IMPG2: variants seen among roughly 807,000 people sequenced by gnomAD.
IMPG2 encodes IPM 200.
In IMPG2, 91 loss-of-function variants were observed where a neutral mutation model predicts 129.2. That is an observed-to-expected ratio of 0.70 (90% confidence interval 0.59 to 0.84). IMPG2 has a LOEUF of 0.84. IMPG2 is among the 40% of genes least tolerant of loss of function. The pLI is 0.00. For synonymous variants in IMPG2, 510 were observed against 517.7 expected (o/e 0.99, Z 0.20); for missense variants, 1,430 against 1,461.7 (o/e 0.98, Z 0.35).
At position 101,263,659 on chromosome 3, in the gene IMPG2, C is replaced by G. The variant is rs376883267; in HGVS notation, c.908+3852G>C. ...TCTCAAAGAACTAGAAAAGCAAAAA[C>G]AAACCAAACCAAAAAATTAGCAGCA... On this transcript the variant is annotated intron_variant, in intron 9 of 18. Transcript: ENST00000193391. 5.7e-4 allele frequency among the ~76,000 whole-genome samples: 87 copies of G among 151,588 alleles called. No homozygotes were observed. The East Asian group carries it at 0.01, about 18-fold the overall frequency.
intron 6 of IMPG2, among the ~76,000 whole-genome samples, 159 bp downstream of exon 6, chr3:101,275,504 T>A (rs532093533): frequency 1.3e-5 from 2 of 152,312 alleles, no homozygotes; most frequent in African/African-American, 4.8e-5. Flanking sequence ...CTCCAAGGAA[T>A]CTCAAAATTG....
At position 101,225,324 on chromosome 3, in the gene IMPG2, A is replaced by G. The variant is rs936103913; in HGVS notation, c.*1645T>C. On this transcript the variant is annotated 3_prime_UTR_variant, in exon 19 of 19. Transcript: ENST00000193391. ...GAACTGTTAGAGGATCCATTATGTG[A>G]GTAGGGAATGAAAGGAAATGCTAGG... 2.0e-5 allele frequency: 3 copies of G among 152,264 alleles called. No homozygotes were observed. Among genetic ancestry groups the G allele is most frequent in the African/African-American group, 7.2e-5 (3 of 41,472 alleles). 9.4% of individuals were successfully genotyped at this position (152,264 alleles called of 1,614,324 possible). A position where few individuals can be genotyped will look rare whatever the true frequency, so the allele number is the denominator to read the frequency against.
rs2058800667 is a variant in IMPG2 at position 101,319,502 on chromosome 3, T to C, written c.334+82A>G. ...AGTCCTGTCTAAATTATCGTAAATTTTGATTTACAATGTTACCTAACAAAT... is the reference window on the plus strand; with the variant it reads ...AGTCCTGTCTAAATTATCGTAAATTCTGATTTACAATGTTACCTAACAAAT... On this transcript the variant is annotated intron_variant, in intron 2 of 18. Coordinates refer to ENST00000193391, the MANE Select transcript of IMPG2 (RefSeq NM_016247.4). 7 of 1,536,460 alleles carry C rather than the reference T, an allele frequency of 4.6e-6. No homozygotes were observed. In the Admixed American group the frequency reaches 6.7e-5, roughly 15 times the overall value.
chr3:101,306,597 A>C (rs1707191482), intron 2 of IMPG2, among the ~76,000 whole-genome samples: 2 of 152,218 alleles, frequency 1.3e-5, no homozygotes, highest in Non-Finnish European at 2.9e-5. Context: ...TGGGTCAGTA[A>C]AAACTAACAA....
chr3:101,227,085 T>G, intron 18 of IMPG2, 104 bp from the exon 19 acceptor site: 3 of 1,228,050 alleles, frequency 2.4e-6, no homozygotes, highest in Non-Finnish European at 3.6e-6. Flanking sequence ...AAATCATGAA[T>G]ACTTTCTATT....
rs1035267792 is a variant in IMPG2 at position 101,228,892 on chromosome 3, A to G, written c.3634-16T>C. 5 of 1,582,542 alleles carry G rather than the reference A, an allele frequency of 3.2e-6. No homozygotes were observed. Among genetic ancestry groups the G allele is most frequent in the Non-Finnish European group, 4.3e-6 (5 of 1,151,446 alleles). ...CTTGAATTTCCTTAAACAAAAAAGA[A>G]ACAATAGGCCACACATTGCATTAGA... is the stretch of plus-strand genomic sequence containing the variant. On this transcript the variant is annotated splice_polypyrimidine_tract_variant and intron_variant, in intron 17 of 18. Coordinates refer to ENST00000193391, the MANE Select transcript of IMPG2 (RefSeq NM_016247.4).
Position 101,244,323 on chromosome 3 carries a change from C to A in IMPG2, c.2008G>T (p.Asp670Tyr), listed in dbSNP as rs1251274963. 1.2e-6 allele frequency: 2 copies of A among 1,613,918 alleles called. No individual in the cohort carries two copies. Among genetic ancestry groups the A allele is most frequent in the South Asian group, 2.2e-5 (2 of 91,054 alleles). The change falls in exon 13 of 19, where the codon GAT becomes TAT. Residue 670 changes from aspartate (D) to tyrosine (Y), a missense_variant. Asp to Tyr is a radical substitution (Grantham distance 160). Transcript: ENST00000193391. ...TCTGGAAAGTGTGTGGATCTGTCAT[C>A]ATGTTCATATTTTGAGTGCTTACTA... ...QISKHSKYEH[D>Y]DRSTHFPEEE...
intron 7 of IMPG2, among the ~76,000 whole-genome samples, chr3:101,272,612 T>C (rs1014311312): frequency 6.6e-6 from 1 of 152,242 alleles, no homozygotes; most frequent in African/African-American, 2.4e-5. Context: ...CACTCTTTGA[T>C]GCCAGGTGGC....
intron 2 of IMPG2, among the ~76,000 whole-genome samples, chr3:101,319,176 T>G (rs2058798501): frequency 6.6e-6 from 1 of 152,170 alleles, no homozygotes. Context: ...CTGGTATTTT[T>G]GAAGTGCTTA....
chr3:101,307,719 A>G (rs1481883055), intron 2 of IMPG2, among the ~76,000 whole-genome samples: 2 of 152,158 alleles, frequency 1.3e-5, no homozygotes, highest in African/African-American at 4.8e-5. Flanking sequence ...GGATACAGGC[A>G]AACTGTATCA....
In IMPG2 at chr3:101,261,579, T is replaced by G. The variant is rs1576755304; in HGVS notation, c.909-3806A>C. Among the ~76,000 whole-genome samples, 3 of 152,264 alleles carry G rather than the reference T, an allele frequency of 2.0e-5. 1 individual carries two copies. Among genetic ancestry groups the G allele is most frequent in the South Asian group, 4.1e-4 (2 of 4,830 alleles). ...TTCTATTATAATCTACCTTGTCTAG[T>G]ACAGATAAGTTCATTAAAGAAGATA... On this transcript the variant is annotated intron_variant, in intron 9 of 18. Coordinates refer to ENST00000193391, the MANE Select transcript of IMPG2 (RefSeq NM_016247.4).
rs1421751274 is a variant in IMPG2 at position 101,291,513 on chromosome 3, A to G, written c.502-3T>C. 6 of 1,610,376 alleles carry G rather than the reference A, an allele frequency of 3.7e-6. No individual in the cohort carries two copies. Among genetic ancestry groups the G allele is most frequent in the Non-Finnish European group, 5.1e-6 (6 of 1,176,854 alleles). The stretch of plus-strand genomic sequence containing the variant: ...GTTTCCTTTGCATAAGTCAGTTTCT[A>G]AGGAAAACAAAGATATAAAAATGAC... On this transcript the variant is annotated splice_polypyrimidine_tract_variant and splice_region_variant and intron_variant, in intron 3 of 18. Transcript: ENST00000193391.
intron 2 of IMPG2, among the ~76,000 whole-genome samples, chr3:101,311,704 C>T (rs1357418523): frequency 2.6e-5 from 4 of 152,104 alleles, no homozygotes; most frequent in Non-Finnish European, 5.9e-5. Flanking sequence ...TAGAAACTGA[C>T]AACCTTACTA....
At chr3:101,256,752 A>C (rs1157229646) in intron 10 of IMPG2, among the ~76,000 whole-genome samples, 1 of 152,132 alleles carries the variant, frequency 6.6e-6, no homozygotes, top group Non-Finnish European at 1.5e-5. Context: ...CCATGCTGTC[A>C]CTTCCATAAC....
At chr3:101,265,768 G>A (rs759039442) in intron 9 of IMPG2, among the ~76,000 whole-genome samples, 5 of 152,014 alleles carry the variant, frequency 3.3e-5, no homozygotes, top group African/African-American at 7.2e-5. Context: ...AAGGTAACCC[G>A]CAGTACGATA....
chr3:101,228,865 C>G lies in IMPG2; in HGVS notation c.3645G>C (p.Glu1215Asp). 1 of 1,613,374 alleles carries G rather than the reference C, an allele frequency of 6.2e-7. No individual in the cohort carries two copies. Among genetic ancestry groups the G allele is most frequent in the Non-Finnish European group, 8.5e-7 (1 of 1,179,390 alleles). The change falls in exon 18 of 19, where the codon GAG (glutamate) becomes GAC (aspartate). Residue 1215 changes from glutamate to aspartate, a missense_variant. Coordinates refer to ENST00000193391, the MANE Select transcript of IMPG2 (RefSeq NM_016247.4). ...SSELSREEIQERMRVLELYAN... is the reference protein window; with the variant it reads ...SSELSREEIQDRMRVLELYAN... ...CATACAGTTCCAAAACTCTCATTCTCTCTTGAATTTCCTTAAACAAAAAAG... is the reference window on the plus strand; with the variant it reads ...CATACAGTTCCAAAACTCTCATTCTGTCTTGAATTTCCTTAAACAAAAAAG...
intron 2 of IMPG2, among the ~76,000 whole-genome samples, chr3:101,305,545 A>G (rs1707180983): frequency 6.6e-6 from 1 of 152,196 alleles, no homozygotes; most frequent in African/African-American, 2.4e-5. Flanking sequence ...ACAATATTAT[A>G]AAATGTTAAT....
At chr3:101,288,286 T>A (rs1015481005) in intron 4 of IMPG2, among the ~76,000 whole-genome samples, 2 of 152,188 alleles carry the variant, frequency 1.3e-5, no homozygotes, top group Non-Finnish European at 2.9e-5. Flanking sequence ...TTAGTAGGAA[T>A]GTAAATTAGT....
intron 3 of IMPG2, among the ~76,000 whole-genome samples, chr3:101,294,202 C>T (rs747849645): frequency 1.5e-4 from 23 of 152,026 alleles, no homozygotes; most frequent in African/African-American, 4.8e-4. Flanking sequence ...TTTCAAGCCC[C>T]GCATGCATTA....
Sources: allele counts gnomAD v4.1 joint callset (sites outside exome capture counted in the v4.1 genomes callset), GRCh38; gene constraint gnomAD v4.1.1; transcripts MANE v1.5; gene names NCBI Gene and HGNC (gene_info 2026-07-23, HGNC 2026-07-21).